OSBPL6: variants seen among roughly 807,000 people sequenced by gnomAD.
OSBPL6 encodes oxysterol binding protein like 6, also known as oxysterol-binding protein-related protein 6.
A neutral mutation model predicts 125.8 loss-of-function variants in OSBPL6; 49 were observed. The ratio of observed to expected loss-of-function variants is 0.39; its 90% CI spans 0.31 to 0.49. The LOEUF is 0.49. Among genes scored for constraint, OSBPL6 ranks in the 20% least tolerant of loss-of-function variants. The probability of loss-of-function intolerance (pLI) is 0.88; values close to 1 mark genes in which losing one functional copy is unlikely to be tolerated. For missense variants in OSBPL6, 986 were observed against 1,135.4 expected (o/e 0.87, Z 1.89); for synonymous variants, 394 against 391.8 (o/e 1.01, Z -0.07).
intron 2 of OSBPL6, among the ~76,000 whole-genome samples, chr2:178,303,884 C>T (rs908624203): frequency 2.6e-5 from 4 of 152,132 alleles, no homozygotes; most frequent in Admixed American, 1.3e-4. Flanking sequence ...TTCTTTACTT[C>T]CCCACTTGGA....
chr2:178,373,782 C>G, intron 14 of OSBPL6, 108 bp from the exon 15 acceptor site: 3 of 1,386,868 alleles, frequency 2.2e-6, no homozygotes. Context: ...CTTGTGGCTG[C>G]CACTTTTTAA....
rs1046596433 is a variant in OSBPL6, at chr2:178,399,892, A to G, written c.*4333A>G. On this transcript the variant is annotated 3_prime_UTR_variant, in exon 25 of 25. Coordinates refer to ENST00000190611, the MANE Select transcript of OSBPL6 (RefSeq NM_032523.4). ...GGATTACATATTACCATATGACCCC[A>G]TAAATACATTTTATTAGTTACTTTG... The G allele has an allele frequency of 6.6e-6, 1 of 152,236 alleles. No homozygotes were observed. Among genetic ancestry groups the G allele is most frequent in the African/African-American group, 2.4e-5 (1 of 41,462 alleles). The allele number at this position is 152,236 out of a possible 1,614,324, so 9.4% of individuals were successfully genotyped here.
At chr2:178,267,353 CAAAAAA>C (rs57444695) in intron 1 of OSBPL6, among the ~76,000 whole-genome samples, 1 of 81,754 alleles carries the variant, frequency 1.2e-5, no homozygotes, top group Non-Finnish European at 2.3e-5. Context: ...AACTCCATCT[CAAAAAA>C]AAAAAAAAAA....
chr2:178,257,535 G>A (rs2154009644), intron 1 of OSBPL6, among the ~76,000 whole-genome samples: 1 of 152,248 alleles, frequency 6.6e-6, no homozygotes, highest in Middle Eastern at 3.4e-3. Flanking sequence ...TATGGCCTAT[G>A]AGTAATTACA....
intron 11 of OSBPL6, among the ~76,000 whole-genome samples, chr2:178,343,582 T>C (rs1248043580): frequency 6.6e-6 from 1 of 152,196 alleles, no homozygotes; most frequent in Non-Finnish European, 1.5e-5. Context: ...ATGAAAACTA[T>C]GCTTTCAGGT....
At chr2:178,224,141 C>G (rs1215450359) in intron 1 of OSBPL6, among the ~76,000 whole-genome samples, 1 of 152,036 alleles carries the variant, frequency 6.6e-6, no homozygotes, top group Admixed American at 6.6e-5. Context: ...ATGCCATGAT[C>G]TCACAATGAA....
At chr2:178,247,792 G>T (rs1054075582) in intron 1 of OSBPL6, among the ~76,000 whole-genome samples, 1 of 152,270 alleles carries the variant, frequency 6.6e-6, no homozygotes, top group South Asian at 2.1e-4. Context: ...TCTGTGTTCT[G>T]TCAAATCCTC....
intron 1 of OSBPL6, among the ~76,000 whole-genome samples, chr2:178,222,461 G>T (rs1287646893): frequency 4.6e-5 from 7 of 152,176 alleles, no homozygotes; most frequent in Admixed American, 1.3e-4. Context: ...TGCTAACACG[G>T]TGAAACCCCG....
intron 1 of OSBPL6, among the ~76,000 whole-genome samples, chr2:178,254,254 G>A (rs988833820): frequency 1.3e-5 from 2 of 151,998 alleles, no homozygotes; most frequent in African/African-American, 4.8e-5. Context: ...TTAGCCAGGC[G>A]TGGTGGTAGG....
chr2:178,386,460 A>G (rs2154116137), intron 19 of OSBPL6, among the ~76,000 whole-genome samples: 1 of 152,304 alleles, frequency 6.6e-6, no homozygotes, highest in South Asian at 2.1e-4. Context: ...CATAAATCTT[A>G]TTTTATAAAT....
At chr2:178,239,490 C>A (rs1419647692) in intron 1 of OSBPL6, among the ~76,000 whole-genome samples, 1 of 151,868 alleles carries the variant, frequency 6.6e-6, no homozygotes, top group Non-Finnish European at 1.5e-5. Flanking sequence ...GCCAAGATTG[C>A]GCCTCTGCAC....
chr2:178,203,721 T>G (rs2089378157), intron 1 of OSBPL6, among the ~76,000 whole-genome samples: 1 of 152,248 alleles, frequency 6.6e-6, no homozygotes, highest in Non-Finnish European at 1.5e-5. Context: ...GCAATTAATT[T>G]ACTTAGAAAT....
At chr2:178,210,433 T>C (rs1162602876) in intron 1 of OSBPL6, among the ~76,000 whole-genome samples, 2 of 152,146 alleles carry the variant, frequency 1.3e-5, no homozygotes, top group Non-Finnish European at 2.9e-5. Flanking sequence ...AAGGATATTA[T>C]TTGATGGCCT....
intron 2 of OSBPL6, among the ~76,000 whole-genome samples, chr2:178,287,630 A>G (rs1456530512): frequency 6.6e-6 from 1 of 152,096 alleles, no homozygotes; most frequent in Non-Finnish European, 1.5e-5. Flanking sequence ...TTGAAGGGGA[A>G]TTTCAGGTGA....
intron 1 of OSBPL6, among the ~76,000 whole-genome samples, chr2:178,237,961 C>T (rs1277292532): frequency 6.6e-6 from 1 of 152,214 alleles, no homozygotes; most frequent in Non-Finnish European, 1.5e-5. Flanking sequence ...TGACAATACT[C>T]ATTACTGGAA....
intron 1 of OSBPL6, among the ~76,000 whole-genome samples, chr2:178,239,760 G>T (rs912719433): frequency 1.9e-4 from 29 of 151,286 alleles, no homozygotes; most frequent in African/African-American, 7.0e-4. Flanking sequence ...CGAGTAGCTG[G>T]GACTACAGGT....
intron 8 of OSBPL6, among the ~76,000 whole-genome samples, chr2:178,333,350 T>C (rs1351511875): frequency 6.6e-6 from 1 of 152,044 alleles, no homozygotes; most frequent in East Asian, 1.9e-4. Context: ...GTGCCACTAC[T>C]GAATAGCCTG....
chr2:178,345,575 A>C lies in OSBPL6; in HGVS notation c.988-3649A>C, dbSNP rs553629360. Among the ~76,000 whole-genome samples, 11 of 152,372 alleles carry C rather than the reference A, an allele frequency of 7.2e-5. No homozygotes were observed. In the South Asian group the frequency reaches 2.1e-3, roughly 29 times the overall value. ...ATGTATATCTTATGCATGTATTCAA[A>C]TGCAGATGAATAAATCCCATGACAC... On this transcript the variant is annotated intron_variant, in intron 11 of 24. Coordinates refer to ENST00000190611, the MANE Select transcript of OSBPL6 (RefSeq NM_032523.4).
At chr2:178,283,183 AT>A (rs960792367) in intron 1 of OSBPL6, among the ~76,000 whole-genome samples, 117 of 152,206 alleles carry the variant, frequency 7.7e-4, no homozygotes, top group Non-Finnish European at 1.2e-3. Context: ...ACACAGTAGA[AT>A]TTTTTTTAAA....
Sources: gnomAD v4.1 joint callset for allele counts (sites outside exome capture counted in the v4.1 genomes callset) on GRCh38, gnomAD v4.1.1 for gene constraint, MANE v1.5 for transcripts, NCBI Gene and HGNC (gene_info 2026-07-23, HGNC 2026-07-21) for gene names.